Variants in HIBCH observed in about 807,000 individuals in gnomAD.
The protein encoded by HIBCH is 3-hydroxyisobutyryl-CoA hydrolase, also known as 3-hydroxyisobutyryl-CoA hydrolase, mitochondrial.
A neutral mutation model predicts 58.2 loss-of-function variants in HIBCH; 50 were observed. The ratio of observed to expected loss-of-function variants is 0.86; its 90% CI spans 0.68 to 1.09. The LOEUF is 1.09. Ranked by LOEUF, HIBCH falls within the 50% of genes least tolerant of loss-of-function variation. The pLI, the probability that HIBCH is intolerant of heterozygous loss-of-function variation, is 0.00. For synonymous variants in HIBCH, 151 were observed against 146.9 expected (o/e 1.03, Z -0.20); for missense variants, 450 against 449.7 (o/e 1.00, Z -0.01).
intron 8 of HIBCH, chr2:190,250,246 C>A: frequency 2.8e-6 from 1 of 356,350 alleles, no homozygotes. Flanking sequence ...ATACCTTTTC[C>A]TGATAATACT....
intron 6 of HIBCH, among the ~76,000 whole-genome samples, chr2:190,280,550 G>C (rs577477198): frequency 6.6e-6 from 1 of 152,304 alleles, no homozygotes; most frequent in African/African-American, 2.4e-5. Context: ...AGCTGGGCGA[G>C]TGGGCCCAAG....
chr2:190,207,369 G>A lies in HIBCH; in HGVS notation c.1045+1511C>T, dbSNP rs902096410. The stretch of plus-strand genomic sequence containing the variant: ...AATCCACATGCAGCAAGAATTTGCA[G>A]AGAATTTGTGAGGAAAATGCCTATG... On this transcript the variant is annotated intron_variant, in intron 13 of 13. Transcript: ENST00000359678. The surrounding 1 kb of genome is among the most constrained non-coding windows in gnomAD (Gnocchi z 4.5). Among the ~76,000 whole-genome samples the A allele has an allele frequency of 3.3e-5, 5 of 152,166 alleles. 1 individual carries two copies. Among genetic ancestry groups the A allele is most frequent in the African/African-American group, 1.2e-4 (5 of 41,430 alleles).
intron 5 of HIBCH, among the ~76,000 whole-genome samples, 169 bp from the exon 6 acceptor site, chr2:190,287,807 A>G (rs1687868769): frequency 6.6e-6 from 1 of 152,216 alleles, no homozygotes; most frequent in Admixed American, 6.5e-5. Flanking sequence ...TTTAAATGTC[A>G]ATCCAACACA....
chr2:190,316,538 C>CT (rs1688713712), intron 1 of HIBCH, among the ~76,000 whole-genome samples: 1 of 152,180 alleles, frequency 6.6e-6, no homozygotes, highest in African/African-American at 2.4e-5. Context: ...TAAAACTGCA[C>CT]TTTTTCCAGG....
intron 6 of HIBCH, among the ~76,000 whole-genome samples, chr2:190,286,292 T>C (rs533850463): frequency 3.9e-5 from 6 of 152,056 alleles, no homozygotes; most frequent in Non-Finnish European, 8.8e-5. Flanking sequence ...TTTTGTCCAA[T>C]CATACTTCTA....
chr2:190,246,109 T>TA, intron 10 of HIBCH, 45 bp downstream of exon 10: 1 of 1,094,300 alleles, frequency 9.1e-7, no homozygotes, highest in Non-Finnish European at 1.4e-6. Flanking sequence ...CATTTTAACA[T>TA]AGTCTTTCTA....
intron 6 of HIBCH, among the ~76,000 whole-genome samples, chr2:190,287,027 CGTGTGTGTGTGT>C (rs56811939): frequency 4.9e-5 from 7 of 142,220 alleles, no homozygotes; most frequent in South Asian, 2.3e-4. Context: ...TAGCATATAA[CGTGTGTGTGTGT>C]GTGTGTGTGT....
At chr2:190,226,031 G>GA (rs902085032) in intron 11 of HIBCH, among the ~76,000 whole-genome samples, 2 of 152,184 alleles carry the variant, frequency 1.3e-5, no homozygotes, top group African/African-American at 4.8e-5. Context: ...AATAGATGCA[G>GA]AAAAGGGCTT....
chr2:190,297,299 A>G (rs1167829192), intron 2 of HIBCH, among the ~76,000 whole-genome samples: 1 of 152,246 alleles, frequency 6.6e-6, no homozygotes, highest in African/African-American at 2.4e-5. Flanking sequence ...GCAAAGATGA[A>G]TAAGAGAGGG....
chr2:190,298,235 T>G (rs909911393), intron 2 of HIBCH, among the ~76,000 whole-genome samples: 17 of 152,190 alleles, frequency 1.1e-4, no homozygotes, highest in African/African-American at 4.1e-4. Context: ...TGTGCCTTTC[T>G]AGTAGAATGA....
chr2:190,199,868 G>C (rs180825808), downstream of HIBCH: 306 of 1,613,530 alleles, frequency 1.9e-4, 1 homozygote, highest in Admixed American at 3.8e-4. Flanking sequence ...AACATGGGCT[G>C]CATGAAATCA....
Position 190,296,827 on chromosome 2 carries a change from A to C in HIBCH, c.205T>G (p.Tyr69Asp). ...ALTLNMIRQI[Y>D]PQLKKWEQDP... ...AAATTACAAACCTTTAGCTGTGGATAAATCTGCCGAATCATATTAAGAGTC... is the reference window on the plus strand; with the variant it reads ...AAATTACAAACCTTTAGCTGTGGATCAATCTGCCGAATCATATTAAGAGTC... Residue 69 changes from tyrosine to aspartate, a missense_variant, in exon 3 of 14, where the codon TAT (tyrosine) becomes GAT (aspartate). Transcript: ENST00000359678. The C allele has an allele frequency of 6.2e-7, 1 of 1,613,982 alleles. No individual in the cohort carries two copies. Among genetic ancestry groups the C allele is most frequent in the South Asian group, 1.1e-5 (1 of 91,082 alleles).
rs2105976094 is a variant in HIBCH at position 190,281,727 on chromosome 2, A to AT, written c.438+5858dup. Among the ~76,000 whole-genome samples, 1 of 152,016 alleles carries AT rather than the reference A, an allele frequency of 6.6e-6. No individual in the cohort carries two copies. The highest frequency in any genetic ancestry group is 2.4e-5 in the African/African-American group (1 of 41,466). ...TTGATTATAAATTTCATCTTCAGTC[A>AT]TTTTTTTCCCTCTCACAGCTTTATG... is the stretch of plus-strand genomic sequence containing the variant. On this transcript the variant is annotated intron_variant, in intron 6 of 13. Transcript: ENST00000359678. This position sits in a 1 kb window ranked among gnomAD's most constrained non-coding sequence, Gnocchi z 5.4.
chr2:190,251,466 TG>T, intron 8 of HIBCH: 1 of 410,336 alleles, frequency 2.4e-6, no homozygotes, highest in Non-Finnish European at 5.0e-6. Flanking sequence ...AGTCTCTTGC[TG>T]GGAATTCTGA....
intron 5 of HIBCH, among the ~76,000 whole-genome samples, chr2:190,290,091 C>G (rs751235916): frequency 3.3e-5 from 5 of 152,156 alleles, no homozygotes; most frequent in Admixed American, 1.3e-4. Context: ...GTTGGCCAGG[C>G]TGGTCTCAAA....
At chr2:190,199,785 CA>C (rs1690158318), downstream of HIBCH, 1 of 1,561,734 alleles carries the variant, frequency 6.4e-7, no homozygotes, top group African/African-American at 1.4e-5. Flanking sequence ...ATCACATGGA[CA>C]AATTTCATTG....
chr2:190,195,936 TC>T (rs1689948614), intron 1 of HIBCH, among the ~76,000 whole-genome samples: 1 of 127,270 alleles, frequency 7.9e-6, no homozygotes, highest in Non-Finnish European at 1.6e-5. Flanking sequence ...AAGAACTGTG[TC>T]CAGCTTTTTT....
chr2:190,269,989 T>G (rs1452049082), intron 6 of HIBCH, among the ~76,000 whole-genome samples: 1 of 151,828 alleles, frequency 6.6e-6, no homozygotes, highest in Non-Finnish European at 1.5e-5. Flanking sequence ...AAACCAAATG[T>G]ATGTTCTCAT....
At chr2:190,191,004 C>A (rs1689684165) in intron 1 of HIBCH, among the ~76,000 whole-genome samples, 1 of 152,124 alleles carries the variant, frequency 6.6e-6, no homozygotes, top group Non-Finnish European at 1.5e-5. Context: ...TCCAGAATGT[C>A]ATATAAATAA....
Sources: allele counts gnomAD v4.1 joint callset (sites outside exome capture counted in the v4.1 genomes callset), GRCh38; gene constraint gnomAD v4.1.1; non-coding constraint Gnocchi (gnomAD v3.1); transcripts MANE v1.5; gene names NCBI Gene and HGNC (gene_info 2026-07-23, HGNC 2026-07-21).